The following TBC1D22A variants were observed in gnomAD, a reference collection of about 807,000 sequenced individuals.
TBC1D22A encodes the protein putative GTPase activator.
TBC1D22A carries 38 observed loss-of-function variants against 60.2 expected under a neutral mutation model. That is an observed-to-expected ratio of 0.63 (90% CI 0.49 to 0.83). TBC1D22A has a LOEUF of 0.83. Among genes scored for constraint, TBC1D22A ranks in the 40% least tolerant of loss-of-function variants. The pLI is 0.00. For synonymous variants in TBC1D22A, 302 were observed against 281.7 expected, an observed-to-expected ratio of 1.07 and a Z score of -0.72; for missense variants, 628 against 701.0, an observed-to-expected ratio of 0.90 and a Z score of 1.18.
At chr22:46,835,192 A>G (rs2086465074) in intron 4 of TBC1D22A, among the ~76,000 whole-genome samples, 1 of 152,208 alleles carries the variant, frequency 6.6e-6, no homozygotes, top group South Asian at 2.1e-4. Context: ...TTCAAATGCA[A>G]AGACAGCAAT....
chr22:46,785,390 G>A (rs913857836), intron 1 of TBC1D22A, among the ~76,000 whole-genome samples: 3 of 152,320 alleles, frequency 2.0e-5, no homozygotes, highest in African/African-American at 4.8e-5. Context: ...AGAGGACCAG[G>A]TAAAAGCTGT....
At chr22:46,847,006 G>A (rs1016005431) in intron 4 of TBC1D22A, among the ~76,000 whole-genome samples, 2 of 152,226 alleles carry the variant, frequency 1.3e-5, no homozygotes, top group Admixed American at 6.5e-5. Context: ...AATCTCGCGT[G>A]GGGTTCAGCA....
intron 11 of TBC1D22A, among the ~76,000 whole-genome samples, chr22:47,056,459 G>T (rs540738417): frequency 6.6e-6 from 1 of 152,162 alleles, no homozygotes; most frequent in South Asian, 2.1e-4. Context: ...AGCAGATGAG[G>T]CCACCCCCCT....
Position 47,050,597 on chromosome 22 carries a change from C to T in TBC1D22A, c.1329+13399C>T, listed in dbSNP as rs571376115. On this transcript the variant is annotated intron_variant, in intron 11 of 12. Transcript: ENST00000337137. ...GGACCGCGTGTGAGGCCTCTCCAGG[C>T]GCCGCTTGGGCCCTGACTCTAGGAG... Among the ~76,000 whole-genome samples, 12 of 152,302 alleles carry T rather than the reference C, an allele frequency of 7.9e-5. No individual in the cohort carries two copies. In the East Asian group the frequency reaches 1.7e-3, roughly 22 times the overall value.
At chr22:46,991,791 C>G (rs2074950995) in intron 9 of TBC1D22A, among the ~76,000 whole-genome samples, 1 of 152,196 alleles carries the variant, frequency 6.6e-6, no homozygotes, top group African/African-American at 2.4e-5. Flanking sequence ...GGAACGGTCT[C>G]CTCTTGCCTC....
chr22:47,138,081 C>T lies in TBC1D22A; in HGVS notation c.1425+26478C>T, dbSNP rs567474103. Among the ~76,000 whole-genome samples, 12 of 152,168 alleles carry T rather than the reference C, an allele frequency of 7.9e-5. 1 individual carries two copies. The highest frequency in any genetic ancestry group is 1.5e-5 in the Non-Finnish European group (1 of 68,036). ...CTAATAGGATTCCTAGTCCCCCTGG[C>T]GTCCAGAGGCTCCGGCACTCATGGA... On this transcript the variant is annotated intron_variant, in intron 12 of 12. Coordinates refer to ENST00000337137, the MANE Select transcript of TBC1D22A (RefSeq NM_014346.5).
intron 5 of TBC1D22A, 148 bp downstream of exon 5, chr22:46,878,871 C>A: frequency 1.7e-6 from 1 of 597,334 alleles, no homozygotes; most frequent in South Asian, 2.8e-5. Flanking sequence ...GCTAAGCTGA[C>A]ATTTTCCATT....
intron 10 of TBC1D22A, among the ~76,000 whole-genome samples, chr22:47,029,185 C>T (rs8137160): frequency 0.019 from 1,113 of 58,574 alleles, 12 homozygotes; most frequent in African/African-American, 0.068. Flanking sequence ...CCATACCCCT[C>T]CCCATGGGGC....
chr22:46,799,836 G>A (rs556698070), intron 4 of TBC1D22A, among the ~76,000 whole-genome samples: 8 of 152,216 alleles, frequency 5.3e-5, no homozygotes, highest in Non-Finnish European at 1.2e-4. Flanking sequence ...TCATCACAGC[G>A]GGGGCACGTG....
intron 8 of TBC1D22A, among the ~76,000 whole-genome samples, chr22:46,973,952 G>A (rs2074182161): frequency 6.6e-6 from 1 of 152,092 alleles, no homozygotes; most frequent in Admixed American, 6.5e-5. Flanking sequence ...CAAAATCTTA[G>A]GAAAAAACTT....
intron 4 of TBC1D22A, among the ~76,000 whole-genome samples, chr22:46,803,670 C>T (rs547670744): frequency 2.8e-4 from 42 of 152,326 alleles, no homozygotes; most frequent in Admixed American, 5.2e-4. Flanking sequence ...GGCACAGCCT[C>T]AGAAGAGAAT....
intron 8 of TBC1D22A, among the ~76,000 whole-genome samples, chr22:46,952,229 G>A (rs541407036): frequency 2.0e-5 from 2 of 101,786 alleles, no homozygotes; most frequent in Admixed American, 2.1e-4. Flanking sequence ...GGGACAGCAA[G>A]CCTTCCTGGC....
At chr22:46,870,731 A>G (rs2067258074) in intron 4 of TBC1D22A, among the ~76,000 whole-genome samples, 1 of 152,200 alleles carries the variant, frequency 6.6e-6, no homozygotes, top group Non-Finnish European at 1.5e-5. Context: ...GTGTCATCAC[A>G]TGGTCGAAGG....
chr22:46,999,568 G>T (rs1297221380), intron 10 of TBC1D22A, among the ~76,000 whole-genome samples: 2 of 152,132 alleles, frequency 1.3e-5, no homozygotes, highest in Admixed American at 1.3e-4. Flanking sequence ...GAGCAAACTT[G>T]GGAGAAGCAT....
intron 8 of TBC1D22A, among the ~76,000 whole-genome samples, chr22:46,932,225 T>C (rs533435895): frequency 1.3e-5 from 2 of 152,172 alleles, no homozygotes; most frequent in Non-Finnish European, 2.9e-5. Context: ...TTAAATGCCC[T>C]CTGGCGACAC....
chr22:47,130,515 C>G (rs1014305583), intron 12 of TBC1D22A, among the ~76,000 whole-genome samples: 1 of 152,330 alleles, frequency 6.6e-6, no homozygotes, highest in South Asian at 2.1e-4. Flanking sequence ...GAGGTGGAAG[C>G]CACTTCCTCG....
At chr22:46,773,591 A>G (rs892972134) in intron 1 of TBC1D22A, among the ~76,000 whole-genome samples, 3 of 152,138 alleles carry the variant, frequency 2.0e-5, no homozygotes, top group Admixed American at 6.5e-5. Flanking sequence ...CAGCCTCCCC[A>G]GTAGCTGGGG....
At chr22:47,051,611 A>AG (rs1454437959) in intron 11 of TBC1D22A, among the ~76,000 whole-genome samples, 1 of 152,100 alleles carries the variant, frequency 6.6e-6, no homozygotes, top group African/African-American at 2.4e-5. Flanking sequence ...GGTCCCCTCA[A>AG]GGGGCCGGGC....
chr22:47,114,574 G>T (rs1261571977), intron 12 of TBC1D22A, among the ~76,000 whole-genome samples: 1 of 152,070 alleles, frequency 6.6e-6, no homozygotes, highest in Admixed American at 6.5e-5. Context: ...GAATGTGTGT[G>T]TGCAGTTGTG....
Sources: allele counts gnomAD v4.1 joint callset (sites outside exome capture counted in the v4.1 genomes callset), GRCh38; gene constraint gnomAD v4.1.1; transcripts MANE v1.5; gene names NCBI Gene and HGNC (gene_info 2026-07-23, HGNC 2026-07-21).